Variants in ITGB6 observed in about 807,000 individuals in gnomAD.
ITGB6 encodes the protein integrin beta-6.
ITGB6 carries 80 observed loss-of-function variants against 84.5 expected under a neutral mutation model. That is an observed-to-expected ratio of 0.95 (90% CI 0.79 to 1.14). The LOEUF (loss-of-function observed/expected upper bound fraction) is 1.14, where lower values mean the gene tolerates loss of function less well. ITGB6 is among the 50% of genes most tolerant of loss of function. ITGB6 has a pLI of 0.00. For missense variants in ITGB6, 1,006 were observed against 968.0 expected (o/e 1.04, Z -0.52); for synonymous variants, 383 against 354.9 (o/e 1.08, Z -0.89).
At chr2:160,171,368 T>A (rs1369815482) in intron 6 of ITGB6, among the ~76,000 whole-genome samples, 1 of 145,922 alleles carries the variant, frequency 6.9e-6, no homozygotes, top group Non-Finnish European at 1.5e-5. Flanking sequence ...GGAGTCTCGC[T>A]CTGTCGCCCA....
At chr2:160,133,925 T>C (rs189349986) in intron 10 of ITGB6, among the ~76,000 whole-genome samples, 1 of 152,084 alleles carries the variant, frequency 6.6e-6, no homozygotes, top group East Asian at 1.9e-4. Flanking sequence ...GGGAAATTTA[T>C]CACACTAAAT....
intron 4 of ITGB6, among the ~76,000 whole-genome samples, chr2:160,186,260 TAAAC>T (rs1172882199): frequency 4.1e-5 from 4 of 97,856 alleles, no homozygotes; most frequent in African/African-American, 1.8e-4. Context: ...ACAAAGAACT[TAAAC>T]AAATTTCCAA....
intron 7 of ITGB6, among the ~76,000 whole-genome samples, chr2:160,154,347 A>G (rs934763166): frequency 3.3e-5 from 5 of 151,066 alleles, no homozygotes; most frequent in African/African-American, 1.2e-4. Flanking sequence ...AAAACCAAAC[A>G]CTGAATGTTA....
At chr2:160,149,205 A>G (rs575384679) in intron 7 of ITGB6, among the ~76,000 whole-genome samples, 5 of 151,448 alleles carry the variant, frequency 3.3e-5, no homozygotes, top group African/African-American at 1.2e-4. Context: ...AGGGGCCGAC[A>G]GACACCTCAT....
rs1321852853 is a variant in ITGB6, at chr2:160,174,084, T to C, written c.649A>G (p.Thr217Ala). The change falls in exon 5 of 15, where the codon ACA (threonine) becomes GCA (alanine). Residue 217 changes from threonine (T) to alanine (A), a missense_variant. Transcript: ENST00000283249. Reference sequence around the variant, plus strand: ...TCATTGAATCTTTCAGCATCATTTGTCAATGGCAAAATGTGCTTGAATCCA... The same window carrying C: ...TCATTGAATCTTTCAGCATCATTTGCCAATGGCAAAATGTGCTTGAATCCA... ...TFGFKHILPL[T>A]NDAERFNEIV... The C allele has an allele frequency of 1.2e-6, 2 of 1,612,840 alleles. No homozygotes were observed. The highest frequency in any genetic ancestry group is 1.7e-5 in the Admixed American group (1 of 59,744).
intron 10 of ITGB6, among the ~76,000 whole-genome samples, chr2:160,134,223 A>G (rs1683606470): frequency 6.6e-6 from 1 of 152,236 alleles, no homozygotes; most frequent in African/African-American, 2.4e-5. Flanking sequence ...TAAACGGGAT[A>G]TCACCACTGA....
At chr2:160,161,873 C>T (rs960586292) in intron 7 of ITGB6, among the ~76,000 whole-genome samples, 2 of 152,162 alleles carry the variant, frequency 1.3e-5, no homozygotes, top group African/African-American at 4.8e-5. Flanking sequence ...CCCCTGTGAC[C>T]CAAGGATTTC....
At chr2:160,130,675 C>T (rs1242427329) in intron 10 of ITGB6, among the ~76,000 whole-genome samples, 2 of 152,052 alleles carry the variant, frequency 1.3e-5, no homozygotes, top group African/African-American at 4.8e-5. Context: ...TGGGCCAAAG[C>T]CATTAATTTC....
intron 7 of ITGB6, among the ~76,000 whole-genome samples, chr2:160,165,746 G>T (rs1574108604): frequency 6.6e-6 from 1 of 152,164 alleles, no homozygotes; most frequent in East Asian, 1.9e-4. Context: ...TCCTTTTATG[G>T]CCTGCTAGAA....
At chr2:160,133,584 C>A (rs1430274201) in intron 10 of ITGB6, among the ~76,000 whole-genome samples, 2 of 152,166 alleles carry the variant, frequency 1.3e-5, no homozygotes, top group Non-Finnish European at 2.9e-5. Flanking sequence ...CTCTCCACCC[C>A]AAATCAACAG....
chr2:160,174,728 A>G (rs1254939278), intron 4 of ITGB6, among the ~76,000 whole-genome samples: 1 of 152,196 alleles, frequency 6.6e-6, no homozygotes. Context: ...ATCTGCACCA[A>G]AGATATTACA....
chr2:160,114,641 G>A (rs568609955), intron 12 of ITGB6, among the ~76,000 whole-genome samples: 1 of 152,312 alleles, frequency 6.6e-6, no homozygotes, highest in East Asian at 1.9e-4. Context: ...ACTAGGGAGT[G>A]CCAGACAGTG....
At chr2:160,199,970 C>T (rs200533621) in intron 1 of ITGB6, 33 bp downstream of exon 1, 188 of 1,551,876 alleles carry the variant, frequency 1.2e-4, no homozygotes, top group Admixed American at 1.0e-3. Flanking sequence ...AAGCATACCA[C>T]GAAAGTAATA....
Position 160,100,554 on chromosome 2 carries a change from C to T in ITGB6, c.*1182G>A, listed in dbSNP as rs568713814. The T allele has an allele frequency of 4.6e-5, 7 of 152,236 alleles. No homozygotes were observed. The highest frequency in any genetic ancestry group is 1.9e-4 in the East Asian group (1 of 5,178). 9.4% of individuals were successfully genotyped at this position (152,236 alleles called of 1,614,324 possible). A position where few individuals can be genotyped will look rare whatever the true frequency, so the allele number is the denominator to read the frequency against. ...GTTTCCTTATGAGGATCAAGTGAGA[C>T]GAAAGTGCTTTGTAAAGGAGTAATA... On this transcript the variant is annotated 3_prime_UTR_variant, in exon 15 of 15. Transcript: ENST00000283249.
At chr2:160,104,060 C>G (rs62177860) in intron 14 of ITGB6, among the ~76,000 whole-genome samples, 1 of 151,914 alleles carries the variant, frequency 6.6e-6, no homozygotes, top group African/African-American at 2.4e-5. Context: ...GTTTTCATTC[C>G]GTATTTTAAA....
chr2:160,136,485 C>T (rs1032840944), intron 10 of ITGB6, among the ~76,000 whole-genome samples: 13 of 152,174 alleles, frequency 8.5e-5, no homozygotes, highest in Non-Finnish European at 1.5e-4. Context: ...TTGTGGAAGT[C>T]AGTGTGGCAA....
At chr2:160,189,887 A>G (rs566006779) in intron 4 of ITGB6, among the ~76,000 whole-genome samples, 1 of 152,192 alleles carries the variant, frequency 6.6e-6, no homozygotes, top group African/African-American at 2.4e-5. Flanking sequence ...TCATGCTGCT[A>G]TAAAGACACA....
At chr2:160,123,658 G>T in intron 12 of ITGB6, 133 bp downstream of exon 12, 1 of 634,290 alleles carries the variant, frequency 1.6e-6, no homozygotes, top group Non-Finnish European at 2.8e-6. Context: ...CTTAAAAAAT[G>T]AATGTGAGTG....
At chr2:160,199,332 T>C in intron 1 of ITGB6, 74 bp from the exon 2 acceptor site, 2 of 1,106,604 alleles carry the variant, frequency 1.8e-6, no homozygotes, top group South Asian at 1.3e-5. Flanking sequence ...TGATGGCTCT[T>C]ACATTACTTG....
Sources: allele counts gnomAD v4.1 joint callset (sites outside exome capture counted in the v4.1 genomes callset), GRCh38; gene constraint gnomAD v4.1.1; transcripts MANE v1.5; gene names NCBI Gene and HGNC (gene_info 2026-07-23, HGNC 2026-07-21).